ESD: variants seen among roughly 807,000 people sequenced by gnomAD.
ESD encodes S-formylglutathione hydrolase.
A neutral mutation model predicts 38.1 loss-of-function variants in ESD; 34 were observed. That is an observed-to-expected ratio of 0.89 (90% CI 0.68 to 1.19). ESD has a LOEUF of 1.19. Among genes scored for constraint, ESD ranks in the 50% most tolerant of loss-of-function variants. The pLI is 0.00. For synonymous variants in ESD, 97 were observed against 107.0 expected (o/e 0.91, Z 0.58); for missense variants, 334 against 327.2 (o/e 1.02, Z -0.16).
At chr13:46,790,873 T>A (rs1875372365) in intron 3 of ESD, among the ~76,000 whole-genome samples, 1 of 152,140 alleles carries the variant, frequency 6.6e-6, no homozygotes, top group Non-Finnish European at 1.5e-5. Flanking sequence ...ATGTTATTCT[T>A]AGCTCCTGTC....
chr13:46,781,695 ACAAT>A, intron 6 of ESD, 80 bp from the exon 7 acceptor site: 14 of 1,260,542 alleles, frequency 1.1e-5, no homozygotes, highest in Non-Finnish European at 1.4e-5. Context: ...AAATAATTAC[ACAAT>A]CAATACTGCC....
chr13:46,771,523 T>A, intron 9 of ESD, 27 bp from the exon 10 acceptor site: 5 of 1,319,620 alleles, frequency 3.8e-6, no homozygotes, highest in Non-Finnish European at 4.3e-6. Flanking sequence ...TGATAAGACA[T>A]TTATCTACCA....
At chr13:46,777,327 T>C (rs1874830661) in intron 9 of ESD, 129 bp downstream of exon 9, 1 of 623,856 alleles carries the variant, frequency 1.6e-6, no homozygotes, top group African/African-American at 1.9e-5. Context: ...ACTTCAAGTG[T>C]CTGAATATAA....
In ESD at chr13:46,774,176, C is replaced by G. The variant is rs148975173; in HGVS notation, c.769-2680G>C. On this transcript the variant is annotated intron_variant, in intron 9 of 9. Coordinates refer to ENST00000378720, the MANE Select transcript of ESD (RefSeq NM_001984.2). ...AGCCATCATTATTATTAGAGAAGTC[C>G]CAAGGTAAACCCAGGAATATATTGC... 2.5e-3 allele frequency among the ~76,000 whole-genome samples: 373 copies of G among 151,862 alleles called. 2 individuals are homozygous for G. Among genetic ancestry groups the G allele is most frequent in the African/African-American group, 8.4e-3 (349 of 41,480 alleles).
chr13:46,782,150 C>T (rs1593406881), intron 6 of ESD, among the ~76,000 whole-genome samples: 1 of 151,464 alleles, frequency 6.6e-6, no homozygotes, highest in East Asian at 1.9e-4. Flanking sequence ...GAAAACTAGT[C>T]ATAGAAACAG....
At chr13:46,775,246 C>G (rs1220395525) in intron 9 of ESD, 1 of 151,602 alleles carries the variant, frequency 6.6e-6, no homozygotes, top group African/African-American at 2.4e-5. Context: ...AAATAATAAC[C>G]AAATAAATAT....
In ESD at chr13:46,771,433, T is replaced by A. The variant is rs2138279008; in HGVS notation, c.832A>T (p.Lys278Ter). 6.2e-7 allele frequency: 1 copy of A among 1,602,980 alleles called. No individual in the cohort carries two copies. The highest frequency in any genetic ancestry group is 2.2e-5 in the East Asian group (1 of 44,624). The change falls in exon 10 of 10, where the codon AAA becomes TAA. Residue 278 changes from lysine (K) to a stop codon, truncating the protein, a stop_gained. Coordinates refer to ENST00000378720, the MANE Select transcript of ESD (RefSeq NM_001984.2). LOFTEE classifies it high-confidence loss of function. ...FITDHIRHHA[K>*]YLNA Reference sequence around the variant, plus strand: ...GAGTTTTTTCATGCATTCAGGTATTTAGCATGATGTCTGATGTGGTCAGTA... The same window carrying A: ...GAGTTTTTTCATGCATTCAGGTATTAAGCATGATGTCTGATGTGGTCAGTA...
chr13:46,778,188 T>C (rs1874872257), intron 8 of ESD, among the ~76,000 whole-genome samples: 2 of 151,992 alleles, frequency 1.3e-5, no homozygotes, highest in South Asian at 4.1e-4. Context: ...ATCTGAATCA[T>C]ATCAACATCA....
At chr13:46,782,396 C>G (rs997087022) in intron 6 of ESD, among the ~76,000 whole-genome samples, 1 of 151,834 alleles carries the variant, frequency 6.6e-6, no homozygotes, top group African/African-American at 2.4e-5. Context: ...AATGAACCAG[C>G]TGCCAGGCAA....
upstream of ESD, among the ~76,000 whole-genome samples, chr13:46,797,453 A>C (rs1028286322): frequency 1.3e-5 from 2 of 152,250 alleles, no homozygotes; most frequent in African/African-American, 4.8e-5. Flanking sequence ...CTCTTCCCAG[A>C]GCCAGCAGCA....
At chr13:46,782,902 ATGT>A (rs1875059028) in intron 5 of ESD, 111 bp from the exon 6 acceptor site, 9 of 1,322,272 alleles carry the variant, frequency 6.8e-6, no homozygotes, top group Non-Finnish European at 9.4e-6. Context: ...TGTTCACCAA[ATGT>A]TGTGAGCTCT....
intron 2 of ESD, 110 bp from the exon 3 acceptor site, chr13:46,791,530 C>T (rs1170802170): frequency 1.7e-5 from 13 of 764,934 alleles, no homozygotes; most frequent in Non-Finnish European, 2.7e-5. Flanking sequence ...CTATTTTCTA[C>T]TTAGAATTTT....
chr13:46,796,969 C>T (rs576155905), intron 1 of ESD, 136 bp downstream of exon 1: 1 of 152,540 alleles, frequency 6.6e-6, no homozygotes, highest in Non-Finnish European at 1.5e-5. Context: ...GCCCAAGGCC[C>T]AGGGTCGCCG....
chr13:46,781,340 T>C (rs1346000045), intron 7 of ESD, among the ~76,000 whole-genome samples, 156 bp downstream of exon 7: 1 of 151,776 alleles, frequency 6.6e-6, no homozygotes, highest in Non-Finnish European at 1.5e-5. Context: ...CACTCTATGG[T>C]CAAATTAAAT....
At chr13:46,788,006 TC>T (rs1198269830) in intron 3 of ESD, among the ~76,000 whole-genome samples, 2 of 151,994 alleles carry the variant, frequency 1.3e-5, no homozygotes, top group Non-Finnish European at 2.9e-5. Flanking sequence ...AACTTTCAGC[TC>T]CCTGTCTTTG....
intron 3 of ESD, among the ~76,000 whole-genome samples, chr13:46,789,939 C>T (rs550016529): frequency 6.6e-6 from 1 of 151,754 alleles, no homozygotes; most frequent in Non-Finnish European, 1.5e-5. Context: ...CCTCAGCCTC[C>T]TAAGTAGCTG....
At chr13:46,792,581 C>G (rs148561666) in intron 2 of ESD, among the ~76,000 whole-genome samples, 3 of 152,082 alleles carry the variant, frequency 2.0e-5, no homozygotes, top group African/African-American at 7.2e-5. Flanking sequence ...GCTGTCCTGA[C>G]TCTCTAGAGG....
chr13:46,789,210 A>G (rs538604303), intron 3 of ESD, among the ~76,000 whole-genome samples: 1 of 152,302 alleles, frequency 6.6e-6, no homozygotes, highest in East Asian at 1.9e-4. Flanking sequence ...GCCTTCAGCT[A>G]TCTTGCTTTA....
chr13:46,782,538 G>C (rs776609366), intron 6 of ESD, 129 bp downstream of exon 6: 3 of 887,606 alleles, frequency 3.4e-6, no homozygotes, highest in Non-Finnish European at 5.1e-6. Context: ...TATAGTACTA[G>C]CAAACTTTGG....
Sources: allele counts gnomAD v4.1 joint callset (sites outside exome capture counted in the v4.1 genomes callset), GRCh38; gene constraint gnomAD v4.1.1; transcripts MANE v1.5; gene names NCBI Gene and HGNC (gene_info 2026-07-23, HGNC 2026-07-21).